ORC3: variants seen among roughly 807,000 people sequenced by gnomAD.
ORC3 encodes homolog of latheo, Drosophila.
A neutral mutation model predicts 100.7 loss-of-function variants in ORC3; 78 were observed. The observed-to-expected ratio is 0.77, with a 90% CI of 0.65 to 0.94. The LOEUF (loss-of-function observed/expected upper bound fraction) is 0.94, where lower values mean the gene tolerates loss of function less well. Among genes scored for constraint, ORC3 ranks in the 40% least tolerant of loss-of-function variants. The pLI is 0.00. For synonymous variants in ORC3, 295 were observed against 289.3 expected (o/e 1.02, Z -0.20); for missense variants, 789 against 823.9 (o/e 0.96, Z 0.52).
intron 3 of ORC3, among the ~76,000 whole-genome samples, chr6:87,602,422 C>T (rs1777973958): frequency 6.6e-6 from 1 of 151,664 alleles, no homozygotes; most frequent in Non-Finnish European, 1.5e-5. Context: ...CATTTCTTCA[C>T]TATAGCAAAT....
chr6:87,594,447 C>T (rs1777278901), intron 2 of ORC3, 40 bp downstream of exon 2: 1 of 1,516,290 alleles, frequency 6.6e-7, no homozygotes, highest in African/African-American at 1.4e-5. Context: ...TCCCTACCTT[C>T]TTAAACTATT....
intron 13 of ORC3, chr6:87,651,410 G>C (rs1360836572): frequency 5.2e-6 from 2 of 385,942 alleles, no homozygotes; most frequent in Non-Finnish European, 1.0e-5. Context: ...TTAACAGATT[G>C]TTCAAGTGTA....
intron 6 of ORC3, 112 bp from the exon 7 acceptor site, chr6:87,608,980 AAAAT>A (rs1387570063): frequency 1.3e-6 from 1 of 785,192 alleles, no homozygotes. Flanking sequence ...TGGTAGAAAA[AAAAT>A]AAACAGTGTT....
At chr6:87,670,127 C>T (rs1221082833), downstream of ORC3, among the ~76,000 whole-genome samples, 1 of 152,202 alleles carries the variant, frequency 6.6e-6, no homozygotes, top group African/African-American at 2.4e-5. Context: ...ACCACTTTGA[C>T]TTTCCTCACT....
intron 6 of ORC3, 129 bp from the exon 7 acceptor site, chr6:87,608,967 G>A (rs931618843): frequency 1.1e-5 from 7 of 615,478 alleles, no homozygotes; most frequent in African/African-American, 5.7e-5. Flanking sequence ...TCTATTTATC[G>A]TGTGGTAGAA....
intron 13 of ORC3, among the ~76,000 whole-genome samples, chr6:87,640,632 G>A (rs902522340): frequency 2.0e-5 from 3 of 152,174 alleles, no homozygotes; most frequent in Non-Finnish European, 2.9e-5. Context: ...CAGTGAGCTA[G>A]GTAAGTACAA....
chr6:87,616,995 A>C (rs1779204639), intron 9 of ORC3, among the ~76,000 whole-genome samples: 2 of 152,040 alleles, frequency 1.3e-5, no homozygotes, highest in Non-Finnish European at 2.9e-5. Context: ...ACAGGGCTTC[A>C]CCATGTTGGC....
chr6:87,606,041 A>C lies in ORC3; in HGVS notation c.427+20A>C, dbSNP rs1352104535. ...GTCCAGGTAAAAATATAAATGCCAT[A>C]ATAACCTTGATGAGATGTTACAGAC... On this transcript the variant is annotated intron_variant, in intron 5 of 19. Coordinates refer to ENST00000392844, the MANE Select transcript of ORC3 (RefSeq NM_012381.4). 8.1e-7 allele frequency: 1 copy of C among 1,239,162 alleles called. No individual in the cohort carries two copies. The highest frequency in any genetic ancestry group is 1.5e-5 in the African/African-American group (1 of 67,392). 76.8% of individuals were successfully genotyped at this position (1,239,162 alleles called of 1,614,324 possible).
intron 13 of ORC3, among the ~76,000 whole-genome samples, chr6:87,646,978 C>T (rs1382693634): frequency 1.3e-5 from 2 of 152,196 alleles, no homozygotes; most frequent in African/African-American, 4.8e-5. Context: ...TGGGCTCTGC[C>T]TTCATAATTT....
chr6:87,655,955 T>C (rs987733808), intron 14 of ORC3, among the ~76,000 whole-genome samples: 3 of 152,190 alleles, frequency 2.0e-5, no homozygotes, highest in Admixed American at 2.0e-4. Flanking sequence ...CAGTTTATTC[T>C]TTAAGCCAAT....
In ORC3 at chr6:87,667,072, T is replaced by C. The variant is rs762180281; in HGVS notation, c.2085T>C (p.Pro695=). Residue 695 remains proline (P), a synonymous_variant, in exon 20 of 20, where the codon CCT becomes CCC. Transcript: ENST00000392844. ...TAGAACTTTTAGGATTTATAAAACC[T>C]ACCAAACAGAAGACTGACCATGTGG... ...SELELLGFIK[P]TKQKTDHVAR... 10 of 1,612,588 alleles carry C rather than the reference T, an allele frequency of 6.2e-6. No homozygotes were observed. Among genetic ancestry groups the C allele is most frequent in the Admixed American group, 3.3e-5 (2 of 59,842 alleles).
chr6:87,644,242 G>A (rs1768553773), intron 13 of ORC3, among the ~76,000 whole-genome samples: 1 of 149,700 alleles, frequency 6.7e-6, no homozygotes, highest in African/African-American at 2.4e-5. Context: ...ACAGGCGCCC[G>A]CCACTACGCC....
chr6:87,659,885 A>G (rs1770053199), intron 16 of ORC3, among the ~76,000 whole-genome samples: 2 of 144,698 alleles, frequency 1.4e-5, no homozygotes, highest in South Asian at 2.2e-4. Context: ...CCATCTCGAG[A>G]AAAAAAAAAA....
chr6:87,677,724 G>A, the ORC3 span: 74 of 1,394,540 alleles, frequency 5.3e-5, no homozygotes, highest in Middle Eastern at 2.4e-4. Flanking sequence ...AGAATATACC[G>A]CACCAGTGTA....
the ORC3 span, among the ~76,000 whole-genome samples, chr6:87,676,597 A>ACACACGCACGCGCG: frequency 2.9e-3 from 5 of 1,730 alleles, no homozygotes; most frequent in African/African-American, 8.4e-3. Flanking sequence ...TCTACTAAAA[A>ACACACGCACGCGCG]CACACACACA....
chr6:87,676,447 C>CAAAA, the ORC3 span, among the ~76,000 whole-genome samples: 118 of 41,486 alleles, frequency 2.8e-3, no homozygotes, highest in African/African-American at 3.8e-3. Flanking sequence ...GCCTGGGCAA[C>CAAAA]AAAAAAAAAA....
At chr6:87,666,399 G>A (rs1332776922) in intron 19 of ORC3, among the ~76,000 whole-genome samples, 2 of 148,282 alleles carry the variant, frequency 1.3e-5, no homozygotes, top group Non-Finnish European at 3.0e-5. Flanking sequence ...CAAAGTGCTA[G>A]GATTATAGGT....
At chr6:87,673,971 G>A in the ORC3 span, among the ~76,000 whole-genome samples, 2 of 152,038 alleles carry the variant, frequency 1.3e-5, no homozygotes, top group African/African-American at 4.8e-5. Context: ...TTCTAGGCTT[G>A]TTTTAAACAG....
chr6:87,657,005 C>G (rs746650055), intron 15 of ORC3, 23 bp downstream of exon 15: 2 of 1,445,858 alleles, frequency 1.4e-6, no homozygotes, highest in Admixed American at 1.7e-5. Context: ...TCTTCCCTTC[C>G]AGCTGCATCC....
Sources: gnomAD v4.1 joint callset for allele counts (sites outside exome capture counted in the v4.1 genomes callset) on GRCh38, gnomAD v4.1.1 for gene constraint, MANE v1.5 for transcripts, NCBI Gene and HGNC (gene_info 2026-07-23, HGNC 2026-07-21) for gene names.